The following MYOM3 variants were observed in gnomAD, a reference collection of about 807,000 sequenced individuals.
MYOM3 encodes myomesin 3.
A neutral mutation model predicts 191.7 loss-of-function variants in MYOM3; 155 were observed. The observed-to-expected ratio is 0.81, with a 90% CI of 0.71 to 0.92. The LOEUF is 0.92. Ranked by LOEUF, MYOM3 falls within the 40% of genes least tolerant of loss-of-function variation. The pLI is 0.00. For synonymous variants in MYOM3, 757 were observed against 762.9 expected (o/e 0.99, Z 0.13); for missense variants, 1,889 against 1,890.6 (o/e 1.00, Z 0.02).
At chr1:24,110,050 C>T (rs1570892400) in intron 1 of MYOM3, among the ~76,000 whole-genome samples, 1 of 152,204 alleles carries the variant, frequency 6.6e-6, no homozygotes, top group South Asian at 2.1e-4. Context: ...CCCGTGTGCC[C>T]GCTGGCTGTG....
chr1:24,105,050 T>C (rs1643970660), intron 5 of MYOM3, among the ~76,000 whole-genome samples: 1 of 152,140 alleles, frequency 6.6e-6, no homozygotes, highest in Admixed American at 6.5e-5. Flanking sequence ...CCTACTCCAA[T>C]GTGTGCCTGT....
At chr1:24,084,111 C>T in intron 16 of MYOM3, 1 of 249,238 alleles carries the variant, frequency 4.0e-6, no homozygotes, top group South Asian at 5.2e-5. Flanking sequence ...AATTGTAATC[C>T]CCAGTGTTGG....
chr1:24,088,587 T>A (rs1370062559), intron 14 of MYOM3, among the ~76,000 whole-genome samples: 1 of 152,162 alleles, frequency 6.6e-6, no homozygotes, highest in Non-Finnish European at 1.5e-5. Context: ...ATCTACAGCT[T>A]TCCTATGTCG....
rs750081007 is a variant in MYOM3 at position 24,071,217 on chromosome 1, A to G, written c.3050T>C (p.Leu1017Pro). The change falls in exon 25 of 37, where the codon CTG becomes CCG. Residue 1017 changes from leucine to proline, a missense_variant. Transcript: ENST00000374434. The part of the protein sequence containing the change: ...KLISGWNIDI[L>P]ERGEVRLWLE... Reference sequence around the variant, plus strand: ...CCAAAGCCGCACCTCCCCTCGCTCCAGGATGTCAATGTTCCAGCCGGAGAT... The same window carrying G: ...CCAAAGCCGCACCTCCCCTCGCTCCGGGATGTCAATGTTCCAGCCGGAGAT... The G allele has an allele frequency of 6.8e-6, 11 of 1,613,890 alleles. No individual in the cohort carries two copies. Among genetic ancestry groups the G allele is most frequent in the Non-Finnish European group, 9.3e-6 (11 of 1,179,920 alleles).
In MYOM3 at chr1:24,057,224, C is replaced by CCACCCT; in HGVS notation, c.*134_*139dup. 1.2e-6 allele frequency: 1 copy of CCACCCT among 850,724 alleles called. No individual in the cohort carries two copies. Among genetic ancestry groups the CCACCCT allele is most frequent in the Admixed American group, 2.9e-5 (1 of 34,792 alleles). The allele number at this position is 850,724 out of a possible 1,614,324, so 52.7% of individuals were successfully genotyped here. ...CCACTTTGGTGCATCCGCTCCACCC[C>CCACCCT]CACCCTCACATCCTGGGTTCTATCT... is the stretch of plus-strand genomic sequence containing the variant. On this transcript the variant is annotated 3_prime_UTR_variant, in exon 37 of 37. Coordinates refer to ENST00000374434, the MANE Select transcript of MYOM3 (RefSeq NM_152372.4).
In MYOM3 at chr1:24,089,652, G is replaced by A. The variant is rs758187952; in HGVS notation, c.1500C>T (p.Ile500=). ...STDAFEDTVT[I]PSPPTNVHAS... ...CATGGACATTGGTTGGCGGTGAGGGGATGGTCACAGTATCTGAAATCAGAG... is the reference window on the plus strand; with the variant it reads ...CATGGACATTGGTTGGCGGTGAGGGAATGGTCACAGTATCTGAAATCAGAG... The change falls in exon 14 of 37, where the codon ATC becomes ATT. Residue 500 remains isoleucine, a synonymous_variant. Coordinates refer to ENST00000374434, the MANE Select transcript of MYOM3 (RefSeq NM_152372.4). The A allele has an allele frequency of 1.3e-6, 2 of 1,585,092 alleles. No individual in the cohort carries two copies. Among genetic ancestry groups the A allele is most frequent in the Non-Finnish European group, 1.7e-6 (2 of 1,165,662 alleles).
intron 23 of MYOM3, 151 bp downstream of exon 23, chr1:24,074,009 T>C (rs949058837): frequency 1.3e-5 from 8 of 616,130 alleles, no homozygotes; most frequent in Non-Finnish European, 2.1e-5. Flanking sequence ...AACAGATATC[T>C]ATTGATGGAA....
chr1:24,079,450 C>G (rs751839073), intron 20 of MYOM3, among the ~76,000 whole-genome samples: 1 of 152,076 alleles, frequency 6.6e-6, no homozygotes, highest in Non-Finnish European at 1.5e-5. Flanking sequence ...CCTCCCACCT[C>G]GGCCTCCTCA....
At chr1:24,060,914 G>A in intron 35 of MYOM3, 146 bp downstream of exon 35, 4 of 861,742 alleles carry the variant, frequency 4.6e-6, no homozygotes, top group Non-Finnish European at 7.3e-6. Flanking sequence ...TCTTGCCCAG[G>A]TCTTCCCTGC....
chr1:24,076,102 C>T lies in MYOM3; in HGVS notation c.2701+57G>A, dbSNP rs563364110. On this transcript the variant is annotated intron_variant, in intron 21 of 36. Transcript: ENST00000374434. ...TTCTCCCAACTTCCCTTGAACTCCA[C>T]CCGTCCCCAGTGGCGTAGCCCAGTG... The T allele has an allele frequency of 1.1e-5, 16 of 1,400,098 alleles. No homozygotes were observed. In the South Asian group the frequency reaches 1.9e-4, roughly 16 times the overall value. The allele number at this position is 1,400,098 out of a possible 1,614,324, so 86.7% of individuals were successfully genotyped here. A position where few individuals can be genotyped will look rare whatever the true frequency, so the allele number is the denominator to read the frequency against.
chr1:24,085,576 C>G (rs1193469878), intron 15 of MYOM3, among the ~76,000 whole-genome samples: 2 of 152,166 alleles, frequency 1.3e-5, no homozygotes, highest in Non-Finnish European at 2.9e-5. Context: ...CTTCTTATTC[C>G]TAAGGGTCCT....
Position 24,061,066 on chromosome 1 carries a change from C to A in MYOM3, c.3988G>T (p.Glu1330Ter), listed in dbSNP as rs777037452. 6.2e-7 allele frequency: 1 copy of A among 1,613,886 alleles called. No homozygotes were observed. Among genetic ancestry groups the A allele is most frequent in the Non-Finnish European group, 8.5e-7 (1 of 1,180,004 alleles). Residue 1330 changes from glutamate to a stop codon, truncating the protein, a stop_gained, in exon 35 of 37, where the codon GAG becomes TAG. Transcript: ENST00000374434. LOFTEE classifies it high-confidence loss of function. ...HQRLKTLAII[E>*]KNRAKVVRGL... ...GAAATATCGGCCGACTTACTCTTCTCGATGATGGCCAAGGTTCTGAAAAAC... is the reference window on the plus strand; with the variant it reads ...GAAATATCGGCCGACTTACTCTTCTAGATGATGGCCAAGGTTCTGAAAAAC...
At chr1:24,067,384 CTTT>C (rs1451084397) in intron 27 of MYOM3, among the ~76,000 whole-genome samples, 4 of 78,846 alleles carry the variant, frequency 5.1e-5, no homozygotes, top group South Asian at 4.8e-4. Context: ...TTCTTTCTTT[CTTT>C]TTCCTTCCTT....
chr1:24,081,264 C>T, intron 19 of MYOM3, 66 bp downstream of exon 19: 1 of 1,592,916 alleles, frequency 6.3e-7, no homozygotes, highest in South Asian at 1.1e-5. Flanking sequence ...CAACCTTCAT[C>T]TCATTGGGTA....
chr1:24,101,294 C>T (rs553885027), intron 5 of MYOM3, among the ~76,000 whole-genome samples: 1 of 152,204 alleles, frequency 6.6e-6, no homozygotes, highest in South Asian at 2.1e-4. Flanking sequence ...TGCATCCAGA[C>T]GTTTAGATGG....
intron 22 of MYOM3, 116 bp from the exon 23 acceptor site, chr1:24,074,385 C>A: frequency 1.4e-6 from 1 of 695,058 alleles, no homozygotes. Flanking sequence ...CAAGCAGACC[C>A]TGGCCAAGTC....
chr1:24,075,726 C>G (rs1040301774), intron 21 of MYOM3, among the ~76,000 whole-genome samples: 1 of 152,160 alleles, frequency 6.6e-6, no homozygotes, highest in Admixed American at 6.5e-5. Context: ...TAATAAAGCA[C>G]GTATCTCTAT....
At chr1:24,094,778 G>A (rs1202665271) in intron 9 of MYOM3, 75 bp downstream of exon 9, 4 of 1,431,972 alleles carry the variant, frequency 2.8e-6, no homozygotes, top group Non-Finnish European at 3.8e-6. Context: ...GTCCGCTAGG[G>A]GTCCTCTCTG....
At chr1:24,067,111 C>A (rs1189945401) in intron 27 of MYOM3, 23 bp from the exon 28 acceptor site, 9 of 1,561,810 alleles carry the variant, frequency 5.8e-6, no homozygotes, top group Non-Finnish European at 7.8e-6. Context: ...AACAAATGTG[C>A]CCACTGTCAG....
Sources: gnomAD v4.1 joint callset for allele counts (sites outside exome capture counted in the v4.1 genomes callset) on GRCh38, gnomAD v4.1.1 for gene constraint, MANE v1.5 for transcripts, NCBI Gene and HGNC (gene_info 2026-07-23, HGNC 2026-07-21) for gene names.